Variants in METTL15 observed in about 807,000 individuals in gnomAD.
METTL15 encodes methyltransferase 15, mitochondrial 12S rRNA N4-cytidine.
In METTL15, 34 loss-of-function variants were observed where a neutral mutation model predicts 38.3. The observed-to-expected ratio is 0.89, with a 90% CI of 0.68 to 1.18. The LOEUF (loss-of-function observed/expected upper bound fraction) is 1.18. Among genes scored for constraint, METTL15 ranks in the 50% most tolerant of loss-of-function variants. The probability of loss-of-function intolerance (pLI) is 0.00; values close to 1 mark genes in which losing one functional copy is unlikely to be tolerated. For synonymous variants in METTL15, 162 were observed against 170.9 expected, an observed-to-expected ratio of 0.95 and a Z score of 0.41; for missense variants, 438 against 498.4, an observed-to-expected ratio of 0.88 and a Z score of 1.15.
intron 5 of METTL15, among the ~76,000 whole-genome samples, chr11:28,404,278 C>T (rs1850656075): frequency 6.6e-6 from 1 of 151,986 alleles, no homozygotes; most frequent in African/African-American, 2.4e-5. Context: ...TTCTGTCTAC[C>T]ATAACAAAAC....
chr11:28,445,468 A>G (rs1311450797), intron 6 of METTL15, among the ~76,000 whole-genome samples: 4 of 152,132 alleles, frequency 2.6e-5, no homozygotes, highest in Non-Finnish European at 4.4e-5. Context: ...TTTAATCTAT[A>G]GTCCACATTT....
intron 5 of METTL15, among the ~76,000 whole-genome samples, chr11:28,381,394 A>G (rs1025955217): frequency 4.6e-5 from 7 of 152,006 alleles, no homozygotes; most frequent in Non-Finnish European, 1.0e-4. Context: ...CTGGATATTT[A>G]TCTCTTTTGC....
Position 28,175,910 on chromosome 11 carries a change from AAT to A in METTL15, c.271-35137_271-35136del, listed in dbSNP as rs34260210. ...GTAAGAGATAGAAAATAAATGTGCA[AAT>A]ATATATATATATATGTATAGGCATA... On this transcript the variant is annotated intron_variant, in intron 3 of 6. Coordinates refer to ENST00000407364, the MANE Select transcript of METTL15 (RefSeq NM_001113528.2). Among the ~76,000 whole-genome samples, 830 of 149,672 alleles carry A rather than the reference AAT, an allele frequency of 5.5e-3. 1 individual carries two copies. Among genetic ancestry groups the A allele is most frequent in the Non-Finnish European group, 7.6e-3 (510 of 67,250 alleles).
chr11:28,367,251 C>T (rs1224440289), intron 5 of METTL15, among the ~76,000 whole-genome samples: 1 of 148,274 alleles, frequency 6.7e-6, no homozygotes, highest in East Asian at 2.0e-4. Context: ...ATCTTACAAA[C>T]CTGCAGTACA....
intron 5 of METTL15, among the ~76,000 whole-genome samples, chr11:28,401,132 G>A (rs549758828): frequency 6.6e-6 from 1 of 152,018 alleles, no homozygotes; most frequent in Non-Finnish European, 1.5e-5. Context: ...TTTTAATTTT[G>A]TCAAAAATCT....
intron 6 of METTL15, among the ~76,000 whole-genome samples, chr11:28,488,152 T>C (rs1308376073): frequency 6.6e-6 from 1 of 152,170 alleles, no homozygotes; most frequent in Non-Finnish European, 1.5e-5. Context: ...AAATGAATTA[T>C]ATTTCCCTGC....
intron 3 of METTL15, among the ~76,000 whole-genome samples, chr11:28,135,256 G>C (rs547026722): frequency 7.2e-5 from 11 of 152,270 alleles, no homozygotes; most frequent in African/African-American, 2.4e-4. Context: ...TACTTGACCA[G>C]ATTATTGGTG....
At chr11:28,370,476 T>A (rs1356997275) in intron 5 of METTL15, among the ~76,000 whole-genome samples, 1 of 152,046 alleles carries the variant, frequency 6.6e-6, no homozygotes, top group Non-Finnish European at 1.5e-5. Flanking sequence ...CTTATTTTTA[T>A]TCTGTATTTT....
chr11:28,310,878 A>ATGCTGCTGCTGATGCTGCTGCTGC (rs1857251880), intron 6 of METTL15, among the ~76,000 whole-genome samples: 1 of 64,678 alleles, frequency 1.5e-5, no homozygotes, highest in Non-Finnish European at 2.7e-5. Context: ...CCTAGCTTAA[A>ATGCTGCTGCTGATGCTGCTGCTGC]TGCTGCTGCT....
In METTL15 at chr11:28,290,063, C is replaced by G. The variant is rs1479654664; in HGVS notation, c.408-143C>G. On this transcript the variant is annotated intron_variant, in intron 4 of 6. Transcript: ENST00000407364. ...AGATGTATAGTTTCCATATCCATGT[C>G]TTTATACAACACTAAGCACTCAATA... 3 of 636,072 alleles carry G rather than the reference C, an allele frequency of 4.7e-6. No homozygotes were observed. The African/African-American group carries it at 5.6e-5, about 12-fold the overall frequency. The allele number at this position is 636,072 out of a possible 1,614,324, so 39.4% of individuals were successfully genotyped here.
chr11:28,336,429 T>C (rs1849901601), downstream of METTL15, among the ~76,000 whole-genome samples: 1 of 152,150 alleles, frequency 6.6e-6, no homozygotes, highest in African/African-American at 2.4e-5. Context: ...AGATATTAGA[T>C]GGAAGATTGT....
chr11:28,527,281 G>A (rs1304557690), downstream of METTL15, among the ~76,000 whole-genome samples: 1 of 152,098 alleles, frequency 6.6e-6, no homozygotes, highest in African/African-American at 2.4e-5. Flanking sequence ...TTCTTATAAG[G>A]CACATTGGGT....
chr11:28,334,918 A>G (rs1040102347), downstream of METTL15, among the ~76,000 whole-genome samples: 2 of 152,188 alleles, frequency 1.3e-5, no homozygotes, highest in Non-Finnish European at 2.9e-5. Flanking sequence ...TTATTAGGCA[A>G]CAAAGTAAAG....
intron 3 of METTL15, among the ~76,000 whole-genome samples, chr11:28,181,202 T>C (rs1851269816): frequency 6.6e-6 from 1 of 151,650 alleles, no homozygotes. Flanking sequence ...CAATAAATTT[T>C]AAGTAATTTT....
At chr11:28,111,614 A>G (rs1337863211) in intron 2 of METTL15, among the ~76,000 whole-genome samples, 1 of 152,216 alleles carries the variant, frequency 6.6e-6, no homozygotes, top group African/African-American at 2.4e-5. Flanking sequence ...GATTGAGTTC[A>G]GGCTCTGGGG....
intron 4 of METTL15, among the ~76,000 whole-genome samples, chr11:28,270,239 A>G (rs1855588789): frequency 6.6e-6 from 1 of 152,072 alleles, no homozygotes; most frequent in African/African-American, 2.4e-5. Context: ...GTATTTTGAC[A>G]TATTTATTTT....
chr11:28,495,188 G>A (rs1851526248), intron 6 of METTL15, among the ~76,000 whole-genome samples: 7 of 152,138 alleles, frequency 4.6e-5, no homozygotes, highest in Admixed American at 4.6e-4. Context: ...ATAAACCATA[G>A]AGACAGCCAA....
intron 6 of METTL15, among the ~76,000 whole-genome samples, chr11:28,473,233 G>T (rs1851316918): frequency 6.6e-6 from 1 of 152,124 alleles, no homozygotes; most frequent in African/African-American, 2.4e-5. Context: ...GGCTTTTCTG[G>T]AGAGAATATT....
At chr11:28,267,160 CAAAA>C (rs57831121) in intron 4 of METTL15, among the ~76,000 whole-genome samples, 60 of 53,762 alleles carry the variant, frequency 1.1e-3, no homozygotes, top group African/African-American at 3.8e-3. Flanking sequence ...AACTCCATCT[CAAAA>C]AAAAAAAAAA....
Sources: allele counts gnomAD v4.1 joint callset (sites outside exome capture counted in the v4.1 genomes callset), GRCh38; gene constraint gnomAD v4.1.1; transcripts MANE v1.5; gene names NCBI Gene and HGNC (gene_info 2026-07-23, HGNC 2026-07-21).